The following VTA1 variants were observed in gnomAD, a reference collection of about 807,000 sequenced individuals.
VTA1 encodes vesicle trafficking 1.
A neutral mutation model predicts 36.9 loss-of-function variants in VTA1; 24 were observed. That is an observed-to-expected ratio of 0.65 (90% CI 0.47 to 0.91). The LOEUF (loss-of-function observed/expected upper bound fraction) is 0.91. VTA1 is among the 40% of genes least tolerant of loss of function. VTA1 has a pLI of 0.00. For synonymous variants in VTA1, 142 were observed against 130.2 expected, an observed-to-expected ratio of 1.09 and a Z score of -0.62; for missense variants, 393 against 377.2, an observed-to-expected ratio of 1.04 and a Z score of -0.35.
At chr6:142,169,140 G>A (rs1774980423) in intron 2 of VTA1, among the ~76,000 whole-genome samples, 1 of 151,778 alleles carries the variant, frequency 6.6e-6, no homozygotes, top group Non-Finnish European at 1.5e-5. Context: ...AATTGAAATG[G>A]GAATAAATTA....
intron 1 of VTA1, among the ~76,000 whole-genome samples, chr6:142,165,753 G>A (rs1293479274): frequency 6.6e-6 from 1 of 152,046 alleles, no homozygotes; most frequent in South Asian, 2.1e-4. Context: ...TAAAGAGAAG[G>A]TATATTTATT....
chr6:142,148,053 T>C (rs1004157234), intron 1 of VTA1, among the ~76,000 whole-genome samples: 3 of 152,208 alleles, frequency 2.0e-5, no homozygotes, highest in African/African-American at 7.2e-5. Context: ...TTAAAAAAAA[T>C]ATAGGTTAAC....
At chr6:142,192,140 C>T (rs1775466957) in intron 5 of VTA1, among the ~76,000 whole-genome samples, 1 of 151,984 alleles carries the variant, frequency 6.6e-6, no homozygotes, top group Admixed American at 6.6e-5. Flanking sequence ...TATGATTTAA[C>T]GTATACTTTT....
rs1016260879 is a variant in VTA1 at position 142,219,998 on chromosome 6, C to G, written c.*1355C>G. On this transcript the variant is annotated 3_prime_UTR_variant, in exon 8 of 8. Transcript: ENST00000367630. The stretch of plus-strand genomic sequence containing the variant: ...AAAGTTAAGACACCTAGTCTAATGG[C>G]CTTTTGGGAAAAAACAAATCACTAA... The G allele has an allele frequency of 6.6e-6, 1 of 152,148 alleles. No individual in the cohort carries two copies. Among genetic ancestry groups the G allele is most frequent in the African/African-American group, 2.4e-5 (1 of 41,448 alleles). 9.4% of individuals were successfully genotyped at this position (152,148 alleles called of 1,614,324 possible). A position where few individuals can be genotyped will look rare whatever the true frequency, so the allele number is the denominator to read the frequency against.
In VTA1 at chr6:142,218,814, C is replaced by A; in HGVS notation, c.*171C>A. Reference sequence around the variant, plus strand: ...TGAAGCATTCATCAGCAGCCTCAACCAGTTTTCATTGTCCATTTACTAGAT... The same window carrying A: ...TGAAGCATTCATCAGCAGCCTCAACAAGTTTTCATTGTCCATTTACTAGAT... On this transcript the variant is annotated 3_prime_UTR_variant, in exon 8 of 8. Transcript: ENST00000367630. The A allele has an allele frequency of 1.4e-6, 1 of 706,276 alleles. No homozygotes were observed. Among genetic ancestry groups the A allele is most frequent in the Non-Finnish European group, 2.1e-6 (1 of 465,816 alleles). 43.8% of individuals were successfully genotyped at this position (706,276 alleles called of 1,614,324 possible).
chr6:142,163,015 A>G (rs1437564496), intron 1 of VTA1, among the ~76,000 whole-genome samples: 2 of 152,218 alleles, frequency 1.3e-5, no homozygotes, highest in African/African-American at 2.4e-5. Context: ...TCAGGGGTCA[A>G]TAAGAATTGA....
Position 142,221,174 on chromosome 6 carries a change from T to G in VTA1, c.*2531T>G, listed in dbSNP as rs1366917148. The G allele has an allele frequency of 6.6e-6, 1 of 152,220 alleles. No homozygotes were observed. The highest frequency in any genetic ancestry group is 1.5e-5 in the Non-Finnish European group (1 of 68,042). 9.4% of individuals were successfully genotyped at this position (152,220 alleles called of 1,614,324 possible). A position where few individuals can be genotyped will look rare whatever the true frequency, so the allele number is the denominator to read the frequency against. On this transcript the variant is annotated 3_prime_UTR_variant, in exon 8 of 8. Transcript: ENST00000367630. ...CAAAGGTGTCTCTGGACGACCGGCA[T>G]CAGCATCACCTGCGAACTTGCTAGA...
At chr6:142,160,171 T>C (rs1438980664) in intron 1 of VTA1, among the ~76,000 whole-genome samples, 1 of 152,156 alleles carries the variant, frequency 6.6e-6, no homozygotes, top group African/African-American at 2.4e-5. Context: ...TGTTTTTTTG[T>C]TTATTTTTAG....
intron 1 of VTA1, among the ~76,000 whole-genome samples, chr6:142,154,256 G>C (rs954122319): frequency 6.6e-6 from 1 of 151,920 alleles, no homozygotes; most frequent in Non-Finnish European, 1.5e-5. Context: ...TCATATATAA[G>C]CTTTTGGGAT....
At chr6:142,167,637 C>T (rs550750654) in intron 2 of VTA1, among the ~76,000 whole-genome samples, 1 of 152,276 alleles carries the variant, frequency 6.6e-6, no homozygotes, top group East Asian at 1.9e-4. Flanking sequence ...CAGCCATGGG[C>T]AGTAGTGTTC....
chr6:142,162,486 T>G (rs1774829601), intron 1 of VTA1, among the ~76,000 whole-genome samples: 1 of 152,208 alleles, frequency 6.6e-6, no homozygotes, highest in Non-Finnish European at 1.5e-5. Context: ...TCATGAATAA[T>G]TACCTGATGT....
rs555247787 is a variant in VTA1 at position 142,218,917 on chromosome 6, AAACACACCTCTATAAAATGT to A, written c.*275_*294del. 4.7e-3 allele frequency: 1,160 copies of A among 248,150 alleles called. 14 individuals are homozygous for A. The highest frequency in any genetic ancestry group is 0.024 in the African/African-American group (1,085 of 44,512). 15.4% of individuals were successfully genotyped at this position (248,150 alleles called of 1,614,324 possible). A position where few individuals can be genotyped will look rare whatever the true frequency, so the allele number is the denominator to read the frequency against. The stretch of plus-strand genomic sequence containing the variant: ...CATTGAACCCTGCTTCAAAAAATGA[AAACACACCTCTATAAAATGT>A]GTACTGGGAATAAGCTTTGTATTTA... On this transcript the variant is annotated 3_prime_UTR_variant, in exon 8 of 8. Transcript: ENST00000367630.
At chr6:142,148,052 AT>A (rs1362293045) in intron 1 of VTA1, among the ~76,000 whole-genome samples, 6 of 152,234 alleles carry the variant, frequency 3.9e-5, no homozygotes, top group Non-Finnish European at 5.9e-5. Context: ...ATTAAAAAAA[AT>A]ATAGGTTAAC....
intron 1 of VTA1, among the ~76,000 whole-genome samples, chr6:142,148,685 G>A (rs778233276): frequency 1.3e-5 from 2 of 152,114 alleles, no homozygotes; most frequent in Non-Finnish European, 2.9e-5. Flanking sequence ...GACAAATAGA[G>A]CAAGGAAAAG....
intron 2 of VTA1, among the ~76,000 whole-genome samples, chr6:142,168,495 C>T (rs936214407): frequency 2.6e-5 from 4 of 151,730 alleles, no homozygotes; most frequent in African/African-American, 9.7e-5. Flanking sequence ...AGATCTGATA[C>T]TCCAGAGAGT....
chr6:142,158,270 G>A (rs1234568628), intron 1 of VTA1, among the ~76,000 whole-genome samples: 1 of 152,138 alleles, frequency 6.6e-6, no homozygotes, highest in African/African-American at 2.4e-5. Flanking sequence ...ATGTGTATAT[G>A]AAGAGAGACA....
intron 4 of VTA1, among the ~76,000 whole-genome samples, chr6:142,182,488 G>C (rs1023207492): frequency 6.6e-6 from 1 of 152,192 alleles, no homozygotes; most frequent in Admixed American, 6.5e-5. Flanking sequence ...GATAATGCTT[G>C]CTAGGACCAG....
chr6:142,193,026 C>A (rs1775483146), intron 5 of VTA1, among the ~76,000 whole-genome samples: 1 of 151,986 alleles, frequency 6.6e-6, no homozygotes, highest in African/African-American at 2.4e-5. Context: ...CTCAGTAATA[C>A]CCTTTGTAGT....
chr6:142,193,148 T>A (rs1021189611), intron 5 of VTA1, among the ~76,000 whole-genome samples: 3 of 152,264 alleles, frequency 2.0e-5, no homozygotes, highest in African/African-American at 7.2e-5. Context: ...CCTTGATGCT[T>A]TTGAAAAGTA....
Sources: allele counts gnomAD v4.1 joint callset (sites outside exome capture counted in the v4.1 genomes callset), GRCh38; gene constraint gnomAD v4.1.1; transcripts MANE v1.5; gene names NCBI Gene and HGNC (gene_info 2026-07-23, HGNC 2026-07-21).